The following MMACHC variants were observed in gnomAD, a reference collection of about 807,000 sequenced individuals.
MMACHC encodes the protein metabolism of cobalamin associated C.
MMACHC carries 14 observed loss-of-function variants against 17.6 expected under a neutral mutation model. That is an observed-to-expected ratio of 0.80 (90% confidence interval 0.53 to 1.25). The LOEUF (loss-of-function observed/expected upper bound fraction) is 1.25. Ranked by LOEUF, MMACHC falls within the 50% of genes most tolerant of loss-of-function variation. The pLI, the probability that MMACHC is intolerant of heterozygous loss-of-function variation, is 0.00. For synonymous variants in MMACHC, 151 were observed against 142.1 expected, an observed-to-expected ratio of 1.06 and a Z score of -0.45; for missense variants, 392 against 364.5, an observed-to-expected ratio of 1.08 and a Z score of -0.62.
chr1:45,508,863 T>C lies in MMACHC; in HGVS notation c.497T>C (p.Leu166Pro). The change falls in exon 4 of 4, where the codon CTG becomes CCG. Residue 166 changes from leucine (L) to proline (P), a missense_variant. Physicochemically the swap from Leu to Pro is moderately conservative, Grantham distance 98. Transcript: ENST00000401061. ...GWFAIRGVVL[L>P]PGIEVPDLPP... Reference sequence around the variant, plus strand: ...TTTGCCATCCGAGGGGTAGTGCTGCTGCCAGGGATAGAGGTGCCAGATCTG... The same window carrying C: ...TTTGCCATCCGAGGGGTAGTGCTGCCGCCAGGGATAGAGGTGCCAGATCTG... 4 of 1,614,198 alleles carry C rather than the reference T, an allele frequency of 2.5e-6. No individual in the cohort carries two copies. The highest frequency in any genetic ancestry group is 2.5e-6 in the Non-Finnish European group (3 of 1,180,018).
intron 1 of MMACHC, among the ~76,000 whole-genome samples, chr1:45,503,276 T>TA (rs1244692845): frequency 1.3e-5 from 2 of 151,896 alleles, no homozygotes; most frequent in Non-Finnish European, 1.5e-5. Flanking sequence ...TGTGCACCTG[T>TA]AATCCCGGCT....
chr1:45,505,176 C>T (rs1019057565), intron 1 of MMACHC, among the ~76,000 whole-genome samples: 6 of 150,324 alleles, frequency 4.0e-5, no homozygotes, highest in Admixed American at 4.0e-4. Flanking sequence ...TCGCCTGGCG[C>T]GGTGACTCAC....
chr1:45,506,577 A>G (rs905694455), intron 1 of MMACHC, among the ~76,000 whole-genome samples: 3 of 151,806 alleles, frequency 2.0e-5, no homozygotes, highest in African/African-American at 7.3e-5. Flanking sequence ...ACCTCTGCCT[A>G]CCGGGTTCAA....
chr1:45,509,199 C>T lies in MMACHC; in HGVS notation c.833C>T (p.Ala278Val). ...CTCAGCCCCAGGGTCTCACCACCTG[C>T]ATCCCCTGGCCCTTGATTTTCTCCC... Reference protein sequence around the residue: ...SWLSPRVSPPASPGP With the variant: ...SWLSPRVSPPVSPGP Residue 278 changes from alanine to valine, a missense_variant, in exon 4 of 4, where the codon GCA becomes GTA. Coordinates refer to ENST00000401061, the MANE Select transcript of MMACHC (RefSeq NM_015506.3). 1.2e-6 allele frequency: 2 copies of T among 1,614,094 alleles called. No homozygotes were observed. Among genetic ancestry groups the T allele is most frequent in the Non-Finnish European group, 1.7e-6 (2 of 1,180,032 alleles).
chr1:45,502,852 G>A (rs1290023393), intron 1 of MMACHC, among the ~76,000 whole-genome samples: 1 of 151,980 alleles, frequency 6.6e-6, no homozygotes, highest in African/African-American at 2.4e-5. Context: ...TTACAGGCAT[G>A]TGCCAACATA....
chr1:45,511,237 G>T lies in MMACHC; in HGVS notation c.*2022G>T. 9.2e-7 allele frequency: 1 copy of T among 1,091,948 alleles called. No individual in the cohort carries two copies. 67.6% of individuals were successfully genotyped at this position (1,091,948 alleles called of 1,614,324 possible). A position where few individuals can be genotyped will look rare whatever the true frequency, so the allele number is the denominator to read the frequency against. ...ACACCACAATTCGGCTGAATCTGAA[G>T]TCTTGTGTTTTACTAATGGAAAAAA... On this transcript the variant is annotated 3_prime_UTR_variant, in exon 4 of 4. Coordinates refer to ENST00000401061, the MANE Select transcript of MMACHC (RefSeq NM_015506.3).
intron 2 of MMACHC, 35 bp downstream of exon 2, chr1:45,507,585 C>G: frequency 6.2e-7 from 1 of 1,608,310 alleles, no homozygotes; most frequent in South Asian, 1.1e-5. Context: ...AGCTCCCAAA[C>G]CTACAGCTGC....
intron 2 of MMACHC, 39 bp downstream of exon 2, chr1:45,507,589 C>T (rs1024481190): frequency 1.9e-6 from 3 of 1,605,316 alleles, no homozygotes; most frequent in Non-Finnish European, 2.6e-6. Flanking sequence ...CCCAAACCTA[C>T]AGCTGCCTCC....
intron 3 of MMACHC, 113 bp from the exon 4 acceptor site, chr1:45,508,683 A>T: frequency 8.1e-7 from 1 of 1,229,166 alleles, no homozygotes; most frequent in Non-Finnish European, 1.1e-6. Flanking sequence ...ACAGAGGTTT[A>T]TGTAGTCAGT....
At position 45,512,131 on chromosome 1, in the gene MMACHC, T is replaced by G. The variant is rs67683090; in HGVS notation, c.*2916T>G. On this transcript the variant is annotated 3_prime_UTR_variant, in exon 4 of 4. Transcript: ENST00000401061. Reference sequence around the variant, plus strand: ...TCTCCCTCTGTTGCCCAGGCTGGAGTACGGTGGCGCAATCTCCACCTCCGT... The same window carrying G: ...TCTCCCTCTGTTGCCCAGGCTGGAGGACGGTGGCGCAATCTCCACCTCCGT... 0.24 allele frequency: 31,240 copies of G among 129,988 alleles called. 3,704 individuals carry two copies. Among genetic ancestry groups the G allele is most frequent in the Middle Eastern group, 0.35 (77 of 218 alleles). The allele number at this position is 129,988 out of a possible 1,614,324, so 8.1% of individuals were successfully genotyped here.
rs1643676267 is a variant in MMACHC at position 45,508,790 on chromosome 1, C to A, written c.430-6C>A. The stretch of plus-strand genomic sequence containing the variant: ...ATGACCTTGCTTTTCTTCACCCTCT[C>A]CCCAGCGCATATCAGGTGTGTGCAT... On this transcript the variant is annotated splice_polypyrimidine_tract_variant and splice_region_variant and intron_variant, in intron 3 of 3. Coordinates refer to ENST00000401061, the MANE Select transcript of MMACHC (RefSeq NM_015506.3). The A allele has an allele frequency of 1.2e-6, 2 of 1,613,066 alleles. No homozygotes were observed. The highest frequency in any genetic ancestry group is 1.1e-5 in the South Asian group (1 of 90,904).
chr1:45,507,532 T>C lies in MMACHC; in HGVS notation c.258T>C (p.His86=), dbSNP rs1005452717. The C allele has an allele frequency of 1.9e-6, 3 of 1,614,042 alleles. No individual in the cohort carries two copies. The highest frequency in any genetic ancestry group is 2.5e-6 in the Non-Finnish European group (3 of 1,180,026). Residue 86 remains histidine (H), a synonymous_variant, in exon 2 of 4, where the codon CAT becomes CAC. Transcript: ENST00000401061. ...TDPVDQCVAY[H]LGRVRESLPE... is the part of the protein sequence containing the mutation. ...CAGTGGACCAGTGTGTGGCCTACCA[T>C]CTGGGCCGTGTTAGAGAGGTGAGGA...
In MMACHC at chr1:45,511,294, G is replaced by A. The variant is rs758602844; in HGVS notation, c.*2079G>A. ...CAGAAGAGGTTTTGTTCTCATGGCT[G>A]CCCACCGCAGCCTGGCACTAAAACA... On this transcript the variant is annotated 3_prime_UTR_variant, in exon 4 of 4. Coordinates refer to ENST00000401061, the MANE Select transcript of MMACHC (RefSeq NM_015506.3). The A allele has an allele frequency of 4.0e-6, 6 of 1,510,822 alleles. No individual in the cohort carries two copies. In the Admixed American group the frequency reaches 6.0e-5, roughly 15 times the overall value. 93.6% of individuals were successfully genotyped at this position (1,510,822 alleles called of 1,614,324 possible).
rs1000976572 is a variant in MMACHC, at chr1:45,506,801, C to T, written c.82-555C>T. On this transcript the variant is annotated intron_variant, in intron 1 of 3. Coordinates refer to ENST00000401061, the MANE Select transcript of MMACHC (RefSeq NM_015506.3). ...CACACCTGGCGGGGTTTTTCATTTTCATTGGTTCATTTGTAGTTGGATGAG... is the reference window on the plus strand; with the variant it reads ...CACACCTGGCGGGGTTTTTCATTTTTATTGGTTCATTTGTAGTTGGATGAG... Among the ~76,000 whole-genome samples, 8 of 151,464 alleles carry T rather than the reference C, an allele frequency of 5.3e-5. No individual in the cohort carries two copies. In the South Asian group the frequency reaches 1.5e-3, roughly 28 times the overall value.
chr1:45,507,654 G>T (rs1410167637), intron 2 of MMACHC, 104 bp downstream of exon 2: 1 of 1,282,918 alleles, frequency 7.8e-7, no homozygotes, highest in Admixed American at 1.9e-5. Flanking sequence ...CCACTTCAAA[G>T]GTGAAATGAT....
At chr1:45,500,526 A>C in intron 1 of MMACHC, 113 bp downstream of exon 1, 4 of 1,002,652 alleles carry the variant, frequency 4.0e-6, no homozygotes, top group Non-Finnish European at 4.7e-6. Context: ...CCCAGTGTCC[A>C]TGTGACAACA....
Position 45,508,299 on chromosome 1 carries a change from C to T in MMACHC, c.364C>T (p.His122Tyr). 6.2e-7 allele frequency: 1 copy of T among 1,614,184 alleles called. No individual in the cohort carries two copies. Among genetic ancestry groups the T allele is most frequent in the Non-Finnish European group, 8.5e-7 (1 of 1,180,028 alleles). The part of the protein sequence containing the change: ...RPKILAQTAA[H>Y]VAGAAYYYQR... Reference sequence around the variant, plus strand: ...CAAGATCCTGGCCCAGACAGCAGCCCATGTAGCTGGGGCTGCTTACTACTA... The same window carrying T: ...CAAGATCCTGGCCCAGACAGCAGCCTATGTAGCTGGGGCTGCTTACTACTA... The change falls in exon 3 of 4, where the codon CAT (histidine) becomes TAT (tyrosine). Residue 122 changes from histidine to tyrosine, a missense_variant. Transcript: ENST00000401061.
chr1:45,506,582 G>A (rs1339051685), intron 1 of MMACHC, among the ~76,000 whole-genome samples: 1 of 151,978 alleles, frequency 6.6e-6, no homozygotes, highest in Non-Finnish European at 1.5e-5. Context: ...TGCCTACCGG[G>A]TTCAAGCGAT....
intron 1 of MMACHC, among the ~76,000 whole-genome samples, chr1:45,505,400 G>GA (rs1480312898): frequency 8.6e-5 from 13 of 151,720 alleles, no homozygotes; most frequent in Non-Finnish European, 1.5e-4. Context: ...ATAAGCCGAG[G>GA]CTGCGCCATT....
Sources: gnomAD v4.1 joint callset for allele counts (sites outside exome capture counted in the v4.1 genomes callset) on GRCh38, gnomAD v4.1.1 for gene constraint, MANE v1.5 for transcripts, NCBI Gene and HGNC (gene_info 2026-07-23, HGNC 2026-07-21) for gene names.